PCDHGA10: variants seen among roughly 807,000 people sequenced by gnomAD.
PCDHGA10 encodes protocadherin gamma subfamily A, 10.
PCDHGA10 carries 42 observed loss-of-function variants against 59.5 expected under a neutral mutation model. The ratio of observed to expected loss-of-function variants is 0.71; its 90% CI spans 0.55 to 0.91. The LOEUF is 0.91. Ranked by LOEUF, PCDHGA10 falls within the 40% of genes least tolerant of loss-of-function variation. The pLI, the probability that PCDHGA10 is intolerant of heterozygous loss-of-function variation, is 0.00. For synonymous variants in PCDHGA10, 511 were observed against 517.2 expected, an observed-to-expected ratio of 0.99 and a Z score of 0.16; for missense variants, 1,111 against 1,198.2, an observed-to-expected ratio of 0.93 and a Z score of 1.07.
intron 1 of PCDHGA10, among the ~76,000 whole-genome samples, chr5:141,459,759 G>A (rs1164466104): frequency 7.2e-5 from 11 of 152,206 alleles, no homozygotes; most frequent in Non-Finnish European, 2.9e-5. Context: ...TCTAGTGGGT[G>A]TGTGATACTA....
chr5:141,475,721 G>C (rs867365261), intron 1 of PCDHGA10, among the ~76,000 whole-genome samples: 5 of 152,248 alleles, frequency 3.3e-5, no homozygotes, highest in Non-Finnish European at 7.3e-5. Context: ...ACAGCCCCAA[G>C]GCTGGCTTTC....
chr5:141,480,414 CAA>C (rs10712552), intron 1 of PCDHGA10, among the ~76,000 whole-genome samples: 346 of 147,498 alleles, frequency 2.3e-3, no homozygotes, highest in African/African-American at 8.3e-3. Flanking sequence ...GACCCTGTCT[CAA>C]AAAAAAAAAT....
chr5:141,477,569 G>A lies in PCDHGA10; in HGVS notation c.2437-17238G>A. The A allele has an allele frequency of 6.2e-7, 1 of 1,614,104 alleles. No homozygotes were observed. Among genetic ancestry groups the A allele is most frequent in the Non-Finnish European group, 8.5e-7 (1 of 1,180,024 alleles). On this transcript the variant is annotated intron_variant, in intron 1 of 3. Coordinates refer to ENST00000398610, the MANE Select transcript of PCDHGA10 (RefSeq NM_018913.3). This position sits in a 1 kb window ranked among gnomAD's most constrained non-coding sequence, Gnocchi z 4.9. ...ACTAAACCTAAGTGTCTGGGACCCC[G>A]ACGCCCCGCAGAATGCTCGGCTTTC...
intron 1 of PCDHGA10, chr5:141,433,331 C>G: frequency 1.4e-6 from 1 of 699,624 alleles, no homozygotes; most frequent in South Asian, 1.9e-5. Context: ...GTAACAGGGA[C>G]TACAGGTGCA....
chr5:141,413,045 G>A lies in PCDHGA10; in HGVS notation c.-131G>A. On this transcript the variant is annotated 5_prime_UTR_variant, in exon 1 of 4. Coordinates refer to ENST00000398610, the MANE Select transcript of PCDHGA10 (RefSeq NM_018913.3). ...CCCACAAACCGGCTGCTGGGCTGCA[G>A]GGAAGCTCACTCCAGAATTTAAAGT... The A allele has an allele frequency of 1.1e-6, 1 of 894,362 alleles. No individual in the cohort carries two copies. The highest frequency in any genetic ancestry group is 1.9e-5 in the South Asian group (1 of 52,540). 55.4% of individuals were successfully genotyped at this position (894,362 alleles called of 1,614,324 possible).
chr5:141,428,065 C>T lies in PCDHGA10; in HGVS notation c.2436+12454C>T, dbSNP rs1028782772. 6 of 1,609,086 alleles carry T rather than the reference C, an allele frequency of 3.7e-6. No individual in the cohort carries two copies. The African/African-American group carries it at 6.7e-5, about 18-fold the overall frequency. ...GTGACCAAGGTGGTGGCGGTGGACGCAGATTCGGGACACAACGCTTGGCTG... is the reference window on the plus strand; with the variant it reads ...GTGACCAAGGTGGTGGCGGTGGACGTAGATTCGGGACACAACGCTTGGCTG... On this transcript the variant is annotated intron_variant, in intron 1 of 3. Coordinates refer to ENST00000398610, the MANE Select transcript of PCDHGA10 (RefSeq NM_018913.3).
intron 1 of PCDHGA10, among the ~76,000 whole-genome samples, chr5:141,460,110 A>G (rs966038979): frequency 2.0e-5 from 3 of 151,894 alleles, no homozygotes; most frequent in African/African-American, 7.2e-5. Context: ...ATTATATATG[A>G]TTTTTATATA....
At chr5:141,483,917 T>A (rs565465724) in intron 1 of PCDHGA10, among the ~76,000 whole-genome samples, 2 of 151,262 alleles carry the variant, frequency 1.3e-5, no homozygotes, top group South Asian at 4.2e-4. Context: ...CCCACTCAGA[T>A]TGCAGGTCGT....
intron 2 of PCDHGA10, among the ~76,000 whole-genome samples, chr5:141,504,268 T>A (rs539485141): frequency 2.2e-4 from 34 of 152,348 alleles, no homozygotes; most frequent in Admixed American, 1.3e-3. Context: ...AGTATTTTTT[T>A]AAATTATGAA....
In PCDHGA10 at chr5:141,423,110, G is replaced by A. The variant is rs62621243; in HGVS notation, c.2436+7499G>A. On this transcript the variant is annotated intron_variant, in intron 1 of 3. Coordinates refer to ENST00000398610, the MANE Select transcript of PCDHGA10 (RefSeq NM_018913.3). ...GTGGGGGAGCACACGGGCGAGGTGC[G>A]TACAGCGCGGGCACTGCTGGACAGA... The A allele has an allele frequency of 0.016, 25,324 of 1,613,842 alleles. 257 individuals carry two copies. Among genetic ancestry groups the A allele is most frequent in the Non-Finnish European group, 0.019 (22,060 of 1,179,980 alleles).
At position 141,490,649 on chromosome 5, in the gene PCDHGA10, G is replaced by C. The variant is rs1428223995; in HGVS notation, c.2437-4158G>C. 1 of 1,614,148 alleles carries C rather than the reference G, an allele frequency of 6.2e-7. No homozygotes were observed. Among genetic ancestry groups the C allele is most frequent in the Admixed American group, 1.7e-5 (1 of 60,018 alleles). On this transcript the variant is annotated intron_variant, in intron 1 of 3. Coordinates refer to ENST00000398610, the MANE Select transcript of PCDHGA10 (RefSeq NM_018913.3). The surrounding 1 kb of genome is among the most constrained non-coding windows in gnomAD (Gnocchi z 5.4). ...TACATCCTAGAAAACCGGCCTCCGG[G>C]CTCCCTTCTTTGCACTGTGGCTGCC...
chr5:141,505,402 T>G lies in PCDHGA10; in HGVS notation c.2505T>G (p.Asn835Lys), dbSNP rs1216666169. 1.9e-6 allele frequency: 3 copies of G among 1,614,014 alleles called. No homozygotes were observed. Among genetic ancestry groups the G allele is most frequent in the Non-Finnish European group, 2.5e-6 (3 of 1,180,034 alleles). Residue 835 changes from asparagine (N) to lysine (K), a missense_variant, in exon 3 of 4, where the codon AAT (asparagine) becomes AAG (lysine). Coordinates refer to ENST00000398610, the MANE Select transcript of PCDHGA10 (RefSeq NM_018913.3). The part of the protein sequence containing the change: ...AQRPGTSGSQ[N>K]GDDTGTWPNN... ...CCTACTCTCTCCCCAGCTCCCAAAA[T>G]GGCGATGACACCGGCACCTGGCCCA...
chr5:141,413,431 G>T lies in PCDHGA10; in HGVS notation c.256G>T (p.Gly86Cys), dbSNP rs963192857. The change falls in exon 1 of 4, where the codon GGC (glycine) becomes TGC (cysteine). Residue 86 changes from glycine (G) to cysteine (C), a missense_variant. Physicochemically the swap from Gly to Cys is radical, Grantham distance 159. Coordinates refer to ENST00000398610, the MANE Select transcript of PCDHGA10 (RefSeq NM_018913.3). ...GCTTTTCTCTCTGAACCCGCGCAGC[G>T]GCAGCTTGATCACCGCGGGCAGGAT... ...TQLFSLNPRS[G>C]SLITAGRIDR... 1.9e-6 allele frequency: 3 copies of T among 1,614,092 alleles called. No individual in the cohort carries two copies. Among genetic ancestry groups the T allele is most frequent in the Non-Finnish European group, 2.5e-6 (3 of 1,179,964 alleles).
intron 2 of PCDHGA10, among the ~76,000 whole-genome samples, chr5:141,503,072 C>T (rs2099817948): frequency 6.6e-6 from 1 of 151,728 alleles, no homozygotes; most frequent in Non-Finnish European, 1.5e-5. Flanking sequence ...TCAGAATGGT[C>T]TCGATCTCCT....
intron 1 of PCDHGA10, among the ~76,000 whole-genome samples, chr5:141,473,466 G>A (rs1217251844): frequency 1.3e-5 from 2 of 151,738 alleles, no homozygotes; most frequent in East Asian, 1.9e-4. Flanking sequence ...TTAAAGTTGT[G>A]CCAAGTTCAA....
chr5:141,428,110 C>G (rs917739943), intron 1 of PCDHGA10: 11 of 1,607,538 alleles, frequency 6.8e-6, no homozygotes, highest in Middle Eastern at 3.4e-4. Context: ...GTGCTGCAGG[C>G]CATCGAGCCC....
At chr5:141,423,427 G>T (rs2096739583) in intron 1 of PCDHGA10, 1 of 1,613,892 alleles carries the variant, frequency 6.2e-7, no homozygotes, top group Non-Finnish European at 8.5e-7. Flanking sequence ...AGGCGGGTTG[G>T]CAGGTATGCC....
Position 141,432,061 on chromosome 5 carries a change from G to A in PCDHGA10, c.2436+16450G>A. 1 of 1,614,130 alleles carries A rather than the reference G, an allele frequency of 6.2e-7. No homozygotes were observed. The highest frequency in any genetic ancestry group is 8.5e-7 in the Non-Finnish European group (1 of 1,180,034). ...ACCGGGGAACCCCGCCCCTATCCAC[G>A]GAAACTCATATCTCGCTGAACGTGG... On this transcript the variant is annotated intron_variant, in intron 1 of 3. Coordinates refer to ENST00000398610, the MANE Select transcript of PCDHGA10 (RefSeq NM_018913.3). The surrounding 1 kb of genome is among the most constrained non-coding windows in gnomAD (Gnocchi z 6.0).
intron 2 of PCDHGA10, among the ~76,000 whole-genome samples, chr5:141,505,092 G>A (rs965653546): frequency 5.9e-5 from 9 of 152,170 alleles, no homozygotes; most frequent in African/African-American, 2.2e-4. Flanking sequence ...AACCCAGGAG[G>A]TGGATGTTGC....
Sources: gnomAD v4.1 joint callset for allele counts (sites outside exome capture counted in the v4.1 genomes callset) on GRCh38, gnomAD v4.1.1 for gene constraint, Gnocchi (gnomAD v3.1) non-coding constraint, MANE v1.5 for transcripts, NCBI Gene and HGNC (gene_info 2026-07-23, HGNC 2026-07-21) for gene names.